The following SLC30A5 variants were observed in gnomAD, a reference collection of about 807,000 sequenced individuals.
SLC30A5 encodes proton-coupled zinc antiporter SLC30A5.
A neutral mutation model predicts 79.6 loss-of-function variants in SLC30A5; 33 were observed. The ratio of observed to expected loss-of-function variants is 0.41; its 90% CI spans 0.31 to 0.55. The LOEUF (loss-of-function observed/expected upper bound fraction) is 0.55. SLC30A5 is among the 20% of genes least tolerant of loss of function. SLC30A5 has a pLI of 0.20. For missense variants in SLC30A5, 788 were observed against 928.1 expected (o/e 0.85, Z 1.96); for synonymous variants, 299 against 319.7 (o/e 0.94, Z 0.69).
chr5:69,104,818 G>GC, intron 4 of SLC30A5, 102 bp downstream of exon 4: 2 of 1,200,944 alleles, frequency 1.7e-6, no homozygotes, highest in Admixed American at 2.4e-5. Context: ...CTGTACAAAT[G>GC]TGTCTAGCAC....
intron 1 of SLC30A5, among the ~76,000 whole-genome samples, chr5:69,098,141 A>AC (rs1745800364): frequency 6.6e-6 from 1 of 151,608 alleles, no homozygotes; most frequent in African/African-American, 2.4e-5. Flanking sequence ...CCATCCCCCC[A>AC]CACCCCCAAT....
rs781380676 is a variant in SLC30A5 at position 69,116,154 on chromosome 5, G to C, written c.1012G>C (p.Glu338Gln). 6.2e-7 allele frequency: 1 copy of C among 1,614,168 alleles called. No homozygotes were observed. Among genetic ancestry groups the C allele is most frequent in the Non-Finnish European group, 8.5e-7 (1 of 1,180,038 alleles). The change falls in exon 9 of 16, where the codon GAG (glutamate) becomes CAG (glutamine). Residue 338 changes from glutamate (E) to glutamine (Q), a missense_variant. Physicochemically the swap from Glu to Gln is conservative, Grantham distance 29 (BLOSUM62 2). Transcript: ENST00000396591. This position sits in a 1 kb window ranked among gnomAD's most constrained non-coding sequence, Gnocchi z 4.0. ...LRAMNKAAHQ[E>Q]STEHVLSGGV... ...GGCTATGAACAAAGCAGCACACCAGGAGAGCACTGAACACGTCCTGTCTGG... is the reference window on the plus strand; with the variant it reads ...GGCTATGAACAAAGCAGCACACCAGCAGAGCACTGAACACGTCCTGTCTGG...
intron 5 of SLC30A5, among the ~76,000 whole-genome samples, chr5:69,110,216 C>G (rs1274795998): frequency 1.3e-5 from 2 of 152,094 alleles, no homozygotes; most frequent in African/African-American, 2.4e-5. Context: ...TTGCAAAACC[C>G]CCAGCCTTCC....
chr5:69,123,680 CTCTT>C, intron 14 of SLC30A5: 1 of 377,466 alleles, frequency 2.6e-6, no homozygotes. Flanking sequence ...GATGAGAAGA[CTCTT>C]TATTATAATG....
At chr5:69,129,130 C>T (rs182907628) in intron 15 of SLC30A5, among the ~76,000 whole-genome samples, 1 of 152,266 alleles carries the variant, frequency 6.6e-6, no homozygotes, top group Non-Finnish European at 1.5e-5. Context: ...AAAAATGTGA[C>T]ACAGGTTTAA....
At chr5:69,125,515 C>A (rs79928667) in intron 14 of SLC30A5, among the ~76,000 whole-genome samples, 35,407 of 145,244 alleles carry the variant, frequency 0.24, 4,656 homozygotes, top group East Asian at 0.34. Flanking sequence ...GGCAACAGAG[C>A]GAGACTCTGT....
At position 69,127,987 on chromosome 5, in the gene SLC30A5, C is replaced by T. The variant is rs1392652611; in HGVS notation, c.1999-17C>T. ...GTAGCCTGTATGACCATTTATATCACCTCTTTTATTTGACAGATACAGAAA... is the reference window on the plus strand; with the variant it reads ...GTAGCCTGTATGACCATTTATATCATCTCTTTTATTTGACAGATACAGAAA... On this transcript the variant is annotated splice_polypyrimidine_tract_variant and intron_variant, in intron 14 of 15. Coordinates refer to ENST00000396591, the MANE Select transcript of SLC30A5 (RefSeq NM_022902.5). 1 of 1,600,958 alleles carries T rather than the reference C, an allele frequency of 6.2e-7. No homozygotes were observed. Among genetic ancestry groups the T allele is most frequent in the Admixed American group, 1.7e-5 (1 of 59,130 alleles).
rs1745892836 is a variant in SLC30A5, at chr5:69,100,841, A to G, written c.118A>G (p.Lys40Glu). ...TKYIVLLCFT[K>E]FLKAVGLFES... is the part of the protein sequence containing the mutation. ...ATATATTGTGTTACTATGTTTCACT[A>G]AATTTTTGAAGGCTGTGGGACTTTT... The change falls in exon 2 of 16, where the codon AAA becomes GAA. Residue 40 changes from lysine (K) to glutamate (E), a missense_variant. Lys to Glu is a moderately conservative substitution (Grantham distance 56, BLOSUM62 1). This residue lies in a region of SLC30A5 where 626 missense variants were observed against 755.5 expected (regional missense o/e 0.83). Transcript: ENST00000396591. 6.2e-7 allele frequency: 1 copy of G among 1,606,534 alleles called. No individual in the cohort carries two copies. Among genetic ancestry groups the G allele is most frequent in the African/African-American group, 1.3e-5 (1 of 74,856 alleles).
At chr5:69,103,451 C>T (rs1745989967) in intron 3 of SLC30A5, among the ~76,000 whole-genome samples, 1 of 152,112 alleles carries the variant, frequency 6.6e-6, no homozygotes, top group Non-Finnish European at 1.5e-5. Context: ...ACAAATGTCA[C>T]TGGAAAGCTG....
chr5:69,095,196 CTTTTTTTT>C (rs371189827), intron 1 of SLC30A5, among the ~76,000 whole-genome samples: 3 of 112,322 alleles, frequency 2.7e-5, no homozygotes, highest in Non-Finnish European at 5.2e-5. Context: ...TATAACGTAA[CTTTTTTTT>C]TTTTTTTTTT....
At position 69,115,446 on chromosome 5, in the gene SLC30A5, A is replaced by C. The variant is rs749980708; in HGVS notation, c.783+39A>C. The C allele has an allele frequency of 3.9e-5, 59 of 1,497,680 alleles. 1 individual carries two copies. In the South Asian group the frequency reaches 6.8e-4, roughly 17 times the overall value. The allele number at this position is 1,497,680 out of a possible 1,614,324, so 92.8% of individuals were successfully genotyped here. A position where few individuals can be genotyped will look rare whatever the true frequency, so the allele number is the denominator to read the frequency against. On this transcript the variant is annotated intron_variant, in intron 8 of 15. Transcript: ENST00000396591. The stretch of plus-strand genomic sequence containing the variant: ...AAGAATTTATTGGTATTAAATTGCT[A>C]GTAAAATGAATTGCTATTAAATTTT...
chr5:69,115,430 T>G, intron 8 of SLC30A5, 23 bp downstream of exon 8: 1 of 1,581,426 alleles, frequency 6.3e-7, no homozygotes, highest in South Asian at 1.1e-5. Flanking sequence ...CAAGAATTTA[T>G]TGGTATTAAA....
chr5:69,102,050 CT>C lies in SLC30A5; in HGVS notation c.207-989del, dbSNP rs758327246. ...GGAAATATTAAGCACCAGTGACGTG[CT>C]TTTTTTTTTTTTTTTTTTTTTTGAG... On this transcript the variant is annotated intron_variant, in intron 2 of 15. Transcript: ENST00000396591. Among the ~76,000 whole-genome samples, 858 of 99,394 alleles carry C rather than the reference CT, an allele frequency of 8.6e-3. 1 individual carries two copies. Among genetic ancestry groups the C allele is most frequent in the African/African-American group, 0.033 (767 of 23,418 alleles). The allele number at this position is 99,394 out of a possible 152,430, so 65.2% of individuals were successfully genotyped here. A position where few individuals can be genotyped will look rare whatever the true frequency, so the allele number is the denominator to read the frequency against.
At chr5:69,109,091 G>A (rs1746162501) in intron 5 of SLC30A5, among the ~76,000 whole-genome samples, 1 of 151,992 alleles carries the variant, frequency 6.6e-6, no homozygotes. Flanking sequence ...ACCAACTCAA[G>A]TACACTATCA....
At chr5:69,122,759 A>C (rs955742388) in intron 13 of SLC30A5, among the ~76,000 whole-genome samples, 1 of 152,244 alleles carries the variant, frequency 6.6e-6, no homozygotes, top group Non-Finnish European at 1.5e-5. Context: ...ATTAGTTGCA[A>C]GGTAAACACA....
At chr5:69,097,122 T>C (rs1471889227) in intron 1 of SLC30A5, among the ~76,000 whole-genome samples, 1 of 139,118 alleles carries the variant, frequency 7.2e-6, no homozygotes. Context: ...TTTTTTTTTT[T>C]TTTTTTTTTT....
At chr5:69,104,049 A>G in intron 3 of SLC30A5, 4 of 1,563,220 alleles carry the variant, frequency 2.6e-6, no homozygotes, top group Non-Finnish European at 8.7e-7. Flanking sequence ...AAACTGAGAA[A>G]TCATAAAATT....
At chr5:69,110,650 G>GA (rs34108413) in intron 5 of SLC30A5, among the ~76,000 whole-genome samples, 57,736 of 151,932 alleles carry the variant, frequency 0.38, 11,510 homozygotes, top group East Asian at 0.52. Context: ...AAAAGCAGTG[G>GA]AAAAAATCAC....
rs976886527 is a variant in SLC30A5 at position 69,126,667 on chromosome 5, G to A, written c.1999-1337G>A. Among the ~76,000 whole-genome samples, 13 of 152,032 alleles carry A rather than the reference G, an allele frequency of 8.6e-5. No homozygotes were observed. In the South Asian group the frequency reaches 1.9e-3, roughly 22 times the overall value. ...TGCCTGTAGTCCCAGCTATTCGGGA[G>A]GCTGAGGCAGAAGAATCGCTTGAAC... On this transcript the variant is annotated intron_variant, in intron 14 of 15. Coordinates refer to ENST00000396591, the MANE Select transcript of SLC30A5 (RefSeq NM_022902.5).
Sources: gnomAD v4.1 joint callset for allele counts (sites outside exome capture counted in the v4.1 genomes callset) on GRCh38, gnomAD v4.1.1 for gene constraint, gnomAD v4.1.1 regional missense constraint, Gnocchi (gnomAD v3.1) non-coding constraint, MANE v1.5 for transcripts, NCBI Gene and HGNC (gene_info 2026-07-23, HGNC 2026-07-21) for gene names.